The following TENM2 variants were observed in gnomAD, a reference collection of about 807,000 sequenced individuals.
TENM2 encodes the protein teneurin-2.
A neutral mutation model predicts 245.2 loss-of-function variants in TENM2; 52 were observed. That is an observed-to-expected ratio of 0.21 (90% CI 0.17 to 0.27). TENM2 has a LOEUF of 0.27. Among genes scored for constraint, TENM2 ranks in the 10% least tolerant of loss-of-function variants. The probability of loss-of-function intolerance (pLI) is 1.00; values close to 1 mark genes in which losing one functional copy is unlikely to be tolerated. For synonymous variants in TENM2, 1,363 were observed against 1,438.9 expected, an observed-to-expected ratio of 0.95 and a Z score of 1.19; for missense variants, 3,046 against 3,666.8, an observed-to-expected ratio of 0.83 and a Z score of 4.37.
chr5:167,482,494 A>AT (rs1010437795), intron 2 of TENM2, among the ~76,000 whole-genome samples: 4 of 152,066 alleles, frequency 2.6e-5, no homozygotes, highest in African/African-American at 7.2e-5. Flanking sequence ...CAACCTTCAG[A>AT]TTTTTTTACA....
At chr5:167,626,267 G>A (rs1168665090) in intron 2 of TENM2, among the ~76,000 whole-genome samples, 1 of 148,828 alleles carries the variant, frequency 6.7e-6, no homozygotes, top group Non-Finnish European at 1.5e-5. Context: ...TGATCAGAAG[G>A]CCACCGAGAG....
At chr5:167,871,294 A>G (rs1772805041) in intron 2 of TENM2, among the ~76,000 whole-genome samples, 1 of 152,110 alleles carries the variant, frequency 6.6e-6, no homozygotes, top group Non-Finnish European at 1.5e-5. Flanking sequence ...TTTCTAATTG[A>G]TTATGTCACT....
chr5:167,867,323 C>T (rs1218806630), intron 2 of TENM2, among the ~76,000 whole-genome samples: 4 of 152,292 alleles, frequency 2.6e-5, no homozygotes, highest in East Asian at 1.9e-4. Flanking sequence ...AAGTGCAATG[C>T]TGCCAGGGAG....
chr5:167,440,272 A>G (rs553282604), intron 2 of TENM2, among the ~76,000 whole-genome samples: 3 of 152,344 alleles, frequency 2.0e-5, no homozygotes, highest in Admixed American at 2.0e-4. Context: ...CCATAATACA[A>G]TGAGTTTCCT....
At chr5:168,088,333 A>T (rs1343553226) in intron 7 of TENM2, 1 of 152,214 alleles carries the variant, frequency 6.6e-6, no homozygotes, top group Non-Finnish European at 1.5e-5. Context: ...CTTTGATTAG[A>T]AAGGTCTCCA....
At chr5:167,806,782 T>A (rs1444693092) in intron 2 of TENM2, among the ~76,000 whole-genome samples, 1 of 152,004 alleles carries the variant, frequency 6.6e-6, no homozygotes, top group Non-Finnish European at 1.5e-5. Flanking sequence ...AGAATACATA[T>A]TAAAATGAGT....
At chr5:167,442,635 A>T (rs1327108163) in intron 2 of TENM2, among the ~76,000 whole-genome samples, 1 of 152,162 alleles carries the variant, frequency 6.6e-6, no homozygotes, top group Non-Finnish European at 1.5e-5. Flanking sequence ...TTATTTAAAT[A>T]TATAAAGTGG....
chr5:167,726,780 G>A (rs952496308), intron 2 of TENM2, among the ~76,000 whole-genome samples: 12 of 152,184 alleles, frequency 7.9e-5, no homozygotes, highest in Middle Eastern at 3.4e-3. Flanking sequence ...TTCTTAGCAG[G>A]AGCATTCCAA....
At chr5:167,463,495 TA>T (rs1766450731) in intron 2 of TENM2, among the ~76,000 whole-genome samples, 1 of 126,780 alleles carries the variant, frequency 7.9e-6, no homozygotes, top group Non-Finnish European at 1.8e-5. Flanking sequence ...AGAAGATATT[TA>T]TTTTATTTTA....
chr5:167,357,243 GGAGCACA>G (rs1759396400), intron 1 of TENM2, among the ~76,000 whole-genome samples: 1 of 151,952 alleles, frequency 6.6e-6, no homozygotes, highest in African/African-American at 2.4e-5. Context: ...TGGTCCACAT[GGAGCACA>G]GAGCCCTCGT....
At chr5:168,145,532 T>G (rs1755978610) in intron 12 of TENM2, among the ~76,000 whole-genome samples, 1 of 140,572 alleles carries the variant, frequency 7.1e-6, no homozygotes, top group Non-Finnish European at 1.6e-5. Context: ...TCTGTTCCAT[T>G]GATCTATATC....
chr5:168,025,631 T>A lies in TENM2; in HGVS notation c.1187-21796T>A, dbSNP rs115281351. Reference sequence around the variant, plus strand: ...GGTAGGGTTTCCTTCCATGTTCTCTTGACTACCATATGTGCTTGGGTTCCA... The same window carrying A: ...GGTAGGGTTTCCTTCCATGTTCTCTAGACTACCATATGTGCTTGGGTTCCA... On this transcript the variant is annotated intron_variant, in intron 5 of 28. Coordinates refer to ENST00000518659, the Ensembl canonical transcript of TENM2. 6.1e-3 allele frequency among the ~76,000 whole-genome samples: 931 copies of A among 152,328 alleles called. 8 individuals carry two copies. The highest frequency in any genetic ancestry group is 0.01 in the Non-Finnish European group (694 of 68,032).
chr5:167,951,098 T>C (rs1780059492), intron 3 of TENM2, among the ~76,000 whole-genome samples: 1 of 152,246 alleles, frequency 6.6e-6, no homozygotes, highest in South Asian at 2.1e-4. Flanking sequence ...ACCTAGTATC[T>C]TCTTGACATG....
the TENM2 span, among the ~76,000 whole-genome samples, chr5:167,100,393 G>A: frequency 6.6e-6 from 1 of 152,056 alleles, no homozygotes; most frequent in African/African-American, 2.4e-5. Context: ...GTCACCCGGC[G>A]CTCACTGGCC....
chr5:168,233,699 G>A (rs190422611), intron 25 of TENM2, among the ~76,000 whole-genome samples: 204 of 152,250 alleles, frequency 1.3e-3, no homozygotes, highest in Non-Finnish European at 1.4e-3. Flanking sequence ...CTGTTTTCAC[G>A]CTGCTGATAA....
chr5:167,093,178 A>T, the TENM2 span, among the ~76,000 whole-genome samples: 1 of 152,174 alleles, frequency 6.6e-6, no homozygotes. Context: ...CAAGAAAAAG[A>T]ATGCTCCAGT....
intron 2 of TENM2, among the ~76,000 whole-genome samples, chr5:167,661,476 A>C (rs1186100918): frequency 6.6e-6 from 1 of 152,194 alleles, no homozygotes; most frequent in African/African-American, 2.4e-5. Flanking sequence ...GAAAATAGTA[A>C]TTCTAATTCT....
chr5:168,069,248 AAGCCT>A (rs1233230805), intron 7 of TENM2, among the ~76,000 whole-genome samples: 1 of 152,218 alleles, frequency 6.6e-6, no homozygotes, highest in East Asian at 1.9e-4. Flanking sequence ...GATTCAAAGA[AAGCCT>A]AGTACAGATC....
chr5:167,214,635 G>A, the TENM2 span, among the ~76,000 whole-genome samples: 1 of 152,026 alleles, frequency 6.6e-6, no homozygotes, highest in African/African-American at 2.4e-5. Flanking sequence ...ATGTGTATGG[G>A]GCTTCCAATT....
Sources: gnomAD v4.1 joint callset for allele counts (sites outside exome capture counted in the v4.1 genomes callset) on GRCh38, gnomAD v4.1.1 for gene constraint, MANE v1.5 for transcripts, NCBI Gene and HGNC (gene_info 2026-07-23, HGNC 2026-07-21) for gene names.